DISC1: variants seen among roughly 807,000 people sequenced by gnomAD.
The protein encoded by DISC1 is disrupted in schizophrenia 1 protein.
In DISC1, 57 loss-of-function variants were observed where a neutral mutation model predicts 84.5. That is an observed-to-expected ratio of 0.67 (90% CI 0.55 to 0.84). DISC1 has a LOEUF of 0.84. DISC1 is among the 40% of genes least tolerant of loss of function. The probability of loss-of-function intolerance (pLI) is 0.00; values close to 1 mark genes in which losing one functional copy is unlikely to be tolerated. For synonymous variants in DISC1, 411 were observed against 415.2 expected, an observed-to-expected ratio of 0.99 and a Z score of 0.12; for missense variants, 1,000 against 1,057.8, an observed-to-expected ratio of 0.95 and a Z score of 0.76.
At chr1:231,865,984 A>C (rs2085027504) in intron 9 of DISC1, among the ~76,000 whole-genome samples, 1 of 152,252 alleles carries the variant, frequency 6.6e-6, no homozygotes, top group African/African-American at 2.4e-5. Context: ...GGCAGACTAT[A>C]GTTCACATCA....
At chr1:231,684,938 C>G (rs556320718) in intron 1 of DISC1, 2 of 152,356 alleles carry the variant, frequency 1.3e-5, no homozygotes, top group Admixed American at 1.3e-4. Context: ...CTGCAGTCCA[C>G]TCAGCTTTCC....
In DISC1 at chr1:231,674,249, AT is replaced by A. The variant is rs113568322; in HGVS notation, c.68-19566del. ...GTCAGATTTGTCAAGCTAGTTTTTG[AT>A]TTTTTTTTTTCCAATCCCTCTCTGA... On this transcript the variant is annotated intron_variant, in intron 1 of 12. Transcript: ENST00000439617. Among the ~76,000 whole-genome samples, 467 of 148,628 alleles carry A rather than the reference AT, an allele frequency of 3.1e-3. 4 individuals are homozygous for A. Among genetic ancestry groups the A allele is most frequent in the African/African-American group, 9.5e-3 (390 of 40,910 alleles).
intron 9 of DISC1, among the ~76,000 whole-genome samples, chr1:231,819,702 T>C (rs560878876): frequency 2.0e-5 from 3 of 152,352 alleles, no homozygotes; most frequent in African/African-American, 7.2e-5. Flanking sequence ...CCTGGTTTAC[T>C]CTGTCATGAT....
At position 231,626,942 on chromosome 1, in the gene DISC1, A is replaced by G. The variant is rs1216176308; in HGVS notation, c.67+8A>G. ...GCGTGAGCCACCGCGCAGGTAGGGG[A>G]GCTGCCACAGAGTCCTAGCACGTCC... On this transcript the variant is annotated splice_region_variant and intron_variant, in intron 1 of 12. Coordinates refer to ENST00000439617, the MANE Select transcript of DISC1 (RefSeq NM_018662.3). 1 of 1,501,898 alleles carries G rather than the reference A, an allele frequency of 6.7e-7. No homozygotes were observed. Among genetic ancestry groups the G allele is most frequent in the African/African-American group, 1.5e-5 (1 of 68,824 alleles). The allele number at this position is 1,501,898 out of a possible 1,614,324, so 93.0% of individuals were successfully genotyped here. A position where few individuals can be genotyped will look rare whatever the true frequency, so the allele number is the denominator to read the frequency against.
At chr1:232,003,117 A>G (rs1053200483) in intron 10 of DISC1, among the ~76,000 whole-genome samples, 1 of 152,228 alleles carries the variant, frequency 6.6e-6, no homozygotes, top group African/African-American at 2.4e-5. Flanking sequence ...AGACTTGGCT[A>G]AAATCAATGA....
chr1:231,727,749 G>A (rs1573302734), intron 3 of DISC1, among the ~76,000 whole-genome samples: 1 of 152,250 alleles, frequency 6.6e-6, no homozygotes, highest in East Asian at 1.9e-4. Flanking sequence ...TTGGCCTAGT[G>A]TTATTTTTCA....
chr1:231,659,218 T>G (rs1343203502), intron 1 of DISC1, among the ~76,000 whole-genome samples: 3 of 152,178 alleles, frequency 2.0e-5, no homozygotes, highest in Admixed American at 1.3e-4. Context: ...GGAGGGTGTA[T>G]GTGTCTAGGA....
At chr1:231,721,526 T>C (rs898370823) in intron 3 of DISC1, among the ~76,000 whole-genome samples, 1 of 152,208 alleles carries the variant, frequency 6.6e-6, no homozygotes, top group African/African-American at 2.4e-5. Flanking sequence ...CTTAAAGACC[T>C]TATACAATGA....
intron 9 of DISC1, among the ~76,000 whole-genome samples, chr1:231,867,363 C>T (rs1388716156): frequency 1.3e-5 from 2 of 152,138 alleles, no homozygotes; most frequent in Admixed American, 6.5e-5. Flanking sequence ...GAATAGGCAG[C>T]ATAGAAGAAC....
chr1:231,790,521 TTTTC>T (rs967297425), intron 6 of DISC1, among the ~76,000 whole-genome samples: 10 of 151,928 alleles, frequency 6.6e-5, no homozygotes, highest in African/African-American at 2.4e-4. Context: ...TTTTCTTTTC[TTTTC>T]TTTTTTTTTT....
chr1:231,876,539 A>G (rs2085902915), intron 9 of DISC1, among the ~76,000 whole-genome samples: 1 of 152,226 alleles, frequency 6.6e-6, no homozygotes, highest in African/African-American at 2.4e-5. Context: ...TCATAGCAAG[A>G]TGTAGCAACA....
At chr1:231,693,198 T>C (rs114183335) in intron 1 of DISC1, among the ~76,000 whole-genome samples, 1,595 of 152,298 alleles carry the variant, frequency 0.01, 34 homozygotes, top group African/African-American at 0.036. Context: ...CCTATTCCTA[T>C]AGCATAGCTG....
At chr1:231,830,581 G>C (rs1044537978) in intron 9 of DISC1, among the ~76,000 whole-genome samples, 16 of 152,204 alleles carry the variant, frequency 1.1e-4, no homozygotes, top group African/African-American at 3.6e-4. Context: ...GCGTAAACAA[G>C]AGCAGGGCAT....
intron 3 of DISC1, among the ~76,000 whole-genome samples, chr1:231,746,842 A>G (rs2074036152): frequency 6.6e-6 from 1 of 152,190 alleles, no homozygotes; most frequent in Non-Finnish European, 1.5e-5. Flanking sequence ...TTCCTTGTAT[A>G]TTCTGGATAG....
intron 9 of DISC1, among the ~76,000 whole-genome samples, chr1:231,876,907 A>G (rs560530835): frequency 1.6e-4 from 24 of 152,158 alleles, no homozygotes; most frequent in Non-Finnish European, 2.4e-4. Flanking sequence ...GCTTAGGGTA[A>G]TGGGCAGGGT....
At chr1:231,972,669 G>T (rs1413392423) in intron 10 of DISC1, among the ~76,000 whole-genome samples, 1 of 152,186 alleles carries the variant, frequency 6.6e-6, no homozygotes, top group Admixed American at 6.5e-5. Flanking sequence ...CAGATTCCAT[G>T]CATAAATCTC....
At chr1:231,950,984 G>A (rs565330732) in intron 9 of DISC1, among the ~76,000 whole-genome samples, 4 of 152,288 alleles carry the variant, frequency 2.6e-5, no homozygotes, top group African/African-American at 9.6e-5. Context: ...GACTCACTGG[G>A]AAGCAACAGC....
At chr1:231,702,848 A>G (rs1573014347) in intron 3 of DISC1, among the ~76,000 whole-genome samples, 1 of 152,010 alleles carries the variant, frequency 6.6e-6, no homozygotes, top group East Asian at 1.9e-4. Context: ...GGGTGTGGGA[A>G]AGAGAAAGGG....
At chr1:231,661,980 A>G (rs2061599534) in intron 1 of DISC1, among the ~76,000 whole-genome samples, 1 of 151,800 alleles carries the variant, frequency 6.6e-6, no homozygotes, top group African/African-American at 2.4e-5. Flanking sequence ...TTTTCTTTTC[A>G]TAGTCAGGCC....
Sources: allele counts gnomAD v4.1 joint callset (sites outside exome capture counted in the v4.1 genomes callset), GRCh38; gene constraint gnomAD v4.1.1; transcripts MANE v1.5; gene names NCBI Gene and HGNC (gene_info 2026-07-23, HGNC 2026-07-21).